The following TRIM37 variants were observed in gnomAD, a reference collection of about 807,000 sequenced individuals.
The protein encoded by TRIM37 is tripartite motif containing 37.
Under a neutral mutation model 129.8 loss-of-function variants are expected in TRIM37, and 80 were observed. The observed-to-expected ratio is 0.62, with a 90% CI of 0.51 to 0.74. The LOEUF is 0.74. Ranked by LOEUF, TRIM37 falls within the 30% of genes least tolerant of loss-of-function variation. The probability of loss-of-function intolerance (pLI) is 0.00; values close to 1 mark genes in which losing one functional copy is unlikely to be tolerated. For synonymous variants in TRIM37, 389 were observed against 387.1 expected (o/e 1.00, Z -0.06); for missense variants, 1,054 against 1,176.5 (o/e 0.90, Z 1.52).
Position 59,003,271 on chromosome 17 carries a change from C to T in TRIM37, c.2696-1557G>A, listed in dbSNP as rs185389683. 2.0e-5 allele frequency among the ~76,000 whole-genome samples: 3 copies of T among 152,246 alleles called. No homozygotes were observed. In the East Asian group the frequency reaches 5.8e-4, roughly 29 times the overall value. On this transcript the variant is annotated intron_variant, in intron 22 of 23. Transcript: ENST00000262294. ...GAATTTTGTCTGTTTCTACTGGGCT[C>T]TGAAGAGGGGGAAAAAAGTCTTACC...
downstream of TRIM37, among the ~76,000 whole-genome samples, chr17:58,996,790 A>ATG (rs1266637848): frequency 2.2e-5 from 3 of 134,192 alleles, no homozygotes; most frequent in African/African-American, 5.5e-5. Context: ...AAGTATATAT[A>ATG]TATGTGTGTG....
At chr17:59,103,028 A>C (rs977795027) in intron 2 of TRIM37, among the ~76,000 whole-genome samples, 1 of 152,008 alleles carries the variant, frequency 6.6e-6, no homozygotes, top group Non-Finnish European at 1.5e-5. Flanking sequence ...GCATGCCACC[A>C]TGCCTGGCTA....
chr17:59,104,618 G>C (rs1017542043), intron 1 of TRIM37: 8 of 669,796 alleles, frequency 1.2e-5, no homozygotes, highest in Non-Finnish European at 2.2e-5. Context: ...GAAAATATAG[G>C]AAATGCAAAC....
chr17:59,019,577 G>A (rs1416804772), intron 19 of TRIM37, among the ~76,000 whole-genome samples: 3 of 151,884 alleles, frequency 2.0e-5, no homozygotes, highest in Admixed American at 6.6e-5. Flanking sequence ...GCATGGTGGC[G>A]CACACCTGTA....
intron 5 of TRIM37, 90 bp downstream of exon 5, chr17:59,083,912 G>T: frequency 9.8e-7 from 1 of 1,023,852 alleles, no homozygotes; most frequent in Non-Finnish European, 1.5e-6. Context: ...CATTCTACGA[G>T]AGCATAATGA....
chr17:59,096,507 G>A lies in TRIM37; in HGVS notation c.124-5167C>T, dbSNP rs1270779959. On this transcript the variant is annotated intron_variant, in intron 2 of 23. Transcript: ENST00000262294. ...GCAGAGGTTGCAATGAGCCAAGATC[G>A]TGCCACTGCACTACAGCCTGGGTGA... is the stretch of plus-strand genomic sequence containing the variant. Among the ~76,000 whole-genome samples, 125 of 145,214 alleles carry A rather than the reference G, an allele frequency of 8.6e-4. 1 individual carries two copies. The highest frequency in any genetic ancestry group is 3.9e-3 in the Middle Eastern group (1 of 258).
chr17:59,011,074 C>G (rs1044519942), intron 22 of TRIM37, among the ~76,000 whole-genome samples: 1 of 151,688 alleles, frequency 6.6e-6, no homozygotes, highest in East Asian at 2.0e-4. Flanking sequence ...GAGGCTGAGG[C>G]AGGAGAATCG....
In TRIM37 at chr17:59,069,725, A is replaced by C. The variant is rs141625299; in HGVS notation, c.809+1098T>G. Among the ~76,000 whole-genome samples the C allele has an allele frequency of 1.3e-3, 193 of 152,310 alleles. 2 individuals carry two copies. The Middle Eastern group carries it at 0.017, about 13-fold the overall frequency. On this transcript the variant is annotated intron_variant, in intron 9 of 23. Transcript: ENST00000262294. ...TTCCCATGTTAAAGCCCTAACCCCC[A>C]ATGTGACTGTATCTATAGCCAGGGC...
chr17:59,042,439 A>ATATATAT (rs1184637891), intron 16 of TRIM37, among the ~76,000 whole-genome samples: 38 of 82,062 alleles, frequency 4.6e-4, no homozygotes, highest in African/African-American at 2.1e-3. Context: ...TTTAAAAAAA[A>ATATATAT]AAAAAAAAAA....
chr17:59,081,813 A>G lies in TRIM37; in HGVS notation c.370-594T>C, dbSNP rs535982218. 1.3e-4 allele frequency among the ~76,000 whole-genome samples: 19 copies of G among 151,258 alleles called. No homozygotes were observed. The South Asian group carries it at 2.3e-3, about 18-fold the overall frequency. On this transcript the variant is annotated intron_variant, in intron 5 of 23. Transcript: ENST00000262294. Reference sequence around the variant, plus strand: ...TCCCAGCTACTCAAGAGGCTGAGACATGAGAATTGCTTGAACCCGGGAGGC... The same window carrying G: ...TCCCAGCTACTCAAGAGGCTGAGACGTGAGAATTGCTTGAACCCGGGAGGC...
At chr17:59,086,375 A>T (rs2147169704) in intron 4 of TRIM37, among the ~76,000 whole-genome samples, 1 of 151,940 alleles carries the variant, frequency 6.6e-6, no homozygotes, top group Middle Eastern at 3.4e-3. Context: ...AGTAGCTGGG[A>T]TTACAGGCAC....
At chr17:59,050,697 T>C (rs1033857052) in intron 14 of TRIM37, among the ~76,000 whole-genome samples, 2 of 146,914 alleles carry the variant, frequency 1.4e-5, no homozygotes, top group Non-Finnish European at 3.0e-5. Flanking sequence ...AAAAATAAAG[T>C]GGCAGGGCGT....
chr17:59,056,812 A>G lies in TRIM37; in HGVS notation c.1199+63T>C, dbSNP rs538654861. On this transcript the variant is annotated intron_variant, in intron 13 of 23. Transcript: ENST00000262294. The stretch of plus-strand genomic sequence containing the variant: ...CTTTGTTAACCAAATGATCTTTGAA[A>G]TATAGTTCTGATGATATTATTTCCC... 7.0e-5 allele frequency: 93 copies of G among 1,322,214 alleles called. 2 individuals carry two copies. In the South Asian group the frequency reaches 8.8e-4, roughly 13 times the overall value. The allele number at this position is 1,322,214 out of a possible 1,614,324, so 81.9% of individuals were successfully genotyped here.
Position 59,076,017 on chromosome 17 carries a change from T to G in TRIM37, c.617-303A>C, listed in dbSNP as rs996107525. Among the ~76,000 whole-genome samples the G allele has an allele frequency of 2.0e-5, 3 of 152,330 alleles. No individual in the cohort carries two copies. The South Asian group carries it at 6.2e-4, about 32-fold the overall frequency. ...AAGCAAAAAATTTACTTTTCTAGAT[T>G]TTCATATTCCCTTGGGAAGAAGCAA... is the stretch of plus-strand genomic sequence containing the variant. On this transcript the variant is annotated intron_variant, in intron 7 of 23. Transcript: ENST00000262294.
At chr17:59,037,461 A>G (rs1252132104) in intron 17 of TRIM37, among the ~76,000 whole-genome samples, 2 of 145,598 alleles carry the variant, frequency 1.4e-5, no homozygotes, top group African/African-American at 2.5e-5. Flanking sequence ...GGGAGGCTGA[A>G]GCAGGAGAAT....
rs773914684 is a variant in TRIM37 at position 59,041,837 on chromosome 17, C to G, written c.1729G>C (p.Asp577His). The G allele has an allele frequency of 2.5e-6, 4 of 1,613,924 alleles. No individual in the cohort carries two copies. In the South Asian group the frequency reaches 4.4e-5, roughly 18 times the overall value. ...MELEEGELME[D>H]AAAAGPAGSS... The stretch of plus-strand genomic sequence containing the variant: ...CCTGCGGGTCCTGCAGCAGCTGCAT[C>G]TTCCATGAGTTCTCCCTCTTCTAAT... Residue 577 changes from aspartate (D) to histidine (H), a missense_variant, in exon 17 of 24, where the codon GAT (aspartate) becomes CAT (histidine). Physicochemically the swap from Asp to His is moderately conservative, Grantham distance 81. Coordinates refer to ENST00000262294, the MANE Select transcript of TRIM37 (RefSeq NM_015294.6).
chr17:59,074,444 G>A (rs1051529994), intron 8 of TRIM37, among the ~76,000 whole-genome samples: 2 of 152,154 alleles, frequency 1.3e-5, no homozygotes, highest in East Asian at 1.9e-4. Flanking sequence ...TGGGGATAAT[G>A]AAGAAAAATA....
intron 19 of TRIM37, among the ~76,000 whole-genome samples, chr17:59,018,441 T>C (rs1038846741): frequency 1.5e-4 from 23 of 152,332 alleles, no homozygotes; most frequent in Non-Finnish European, 2.5e-4. Flanking sequence ...AAATAACTTA[T>C]TGTATTTCTC....
intron 8 of TRIM37, chr17:59,073,204 T>A (rs1198834813): frequency 2.1e-4 from 32 of 152,210 alleles, no homozygotes; most frequent in Admixed American, 2.1e-3. Context: ...TGTACATACA[T>A]CCATAAACAA....
Sources: gnomAD v4.1 joint callset for allele counts (sites outside exome capture counted in the v4.1 genomes callset) on GRCh38, gnomAD v4.1.1 for gene constraint, MANE v1.5 for transcripts, NCBI Gene and HGNC (gene_info 2026-07-23, HGNC 2026-07-21) for gene names.